Variants in LMBRD1 observed in about 807,000 individuals in gnomAD.
LMBRD1 encodes lysosomal cobalamin transport escort protein LMBD1.
A neutral mutation model predicts 74.8 loss-of-function variants in LMBRD1; 64 were observed. That is an observed-to-expected ratio of 0.86 (90% CI 0.70 to 1.05). The LOEUF is 1.05. Among genes scored for constraint, LMBRD1 ranks in the 50% least tolerant of loss-of-function variants. The pLI is 0.00. For synonymous variants in LMBRD1, 204 were observed against 216.3 expected, an observed-to-expected ratio of 0.94 and a Z score of 0.50; for missense variants, 652 against 645.9, an observed-to-expected ratio of 1.01 and a Z score of -0.10.
rs549080961 is a variant in LMBRD1 at position 69,681,606 on chromosome 6, A to G, written c.1418-5065T>C. ...ACTCTATATTTGCATTTTATAAAAC[A>G]AAGCCTTATTTTACGTGTATATATA... is the stretch of plus-strand genomic sequence containing the variant. On this transcript the variant is annotated intron_variant, in intron 14 of 15. Coordinates refer to ENST00000649934, the MANE Select transcript of LMBRD1 (RefSeq NM_018368.4). Among the ~76,000 whole-genome samples the G allele has an allele frequency of 2.6e-3, 300 of 116,282 alleles. 1 individual carries two copies. Among genetic ancestry groups the G allele is most frequent in the African/African-American group, 0.01 (286 of 28,362 alleles). The allele number at this position is 116,282 out of a possible 152,430, so 76.3% of individuals were successfully genotyped here.
chr6:69,732,043 TG>T (rs1766869967), intron 7 of LMBRD1, among the ~76,000 whole-genome samples: 1 of 152,104 alleles, frequency 6.6e-6, no homozygotes, highest in South Asian at 2.1e-4. Context: ...AAAGTAACGG[TG>T]CACCTTACAA....
intron 3 of LMBRD1, among the ~76,000 whole-genome samples, chr6:69,779,484 G>A (rs966599760): frequency 2.6e-5 from 4 of 152,144 alleles, no homozygotes; most frequent in Admixed American, 1.3e-4. Flanking sequence ...GAGGAGCCAA[G>A]CAACCATAAG....
At chr6:69,738,483 T>C (rs1767022488) in intron 6 of LMBRD1, among the ~76,000 whole-genome samples, 1 of 152,112 alleles carries the variant, frequency 6.6e-6, no homozygotes, top group Admixed American at 6.5e-5. Flanking sequence ...TCTTAATAGA[T>C]AATCAAAAAC....
intron 3 of LMBRD1, among the ~76,000 whole-genome samples, chr6:69,776,721 G>C (rs1028480633): frequency 5.3e-5 from 8 of 152,126 alleles, no homozygotes; most frequent in African/African-American, 1.7e-4. Flanking sequence ...CACTGACTTA[G>C]GCCACTGGTT....
At chr6:69,775,003 G>T (rs145582057) in intron 3 of LMBRD1, among the ~76,000 whole-genome samples, 1 of 67,328 alleles carries the variant, frequency 1.5e-5, no homozygotes, top group Non-Finnish European at 3.0e-5. Flanking sequence ...GGGAGGGAGG[G>T]AGGGAGGGAG....
intron 3 of LMBRD1, among the ~76,000 whole-genome samples, chr6:69,769,124 T>C (rs1765527080): frequency 6.6e-6 from 1 of 152,164 alleles, no homozygotes; most frequent in Non-Finnish European, 1.5e-5. Flanking sequence ...CTTTTCATTC[T>C]GAGATTCCCA....
At chr6:69,705,570 G>C in intron 9 of LMBRD1, 5 of 1,262,852 alleles carry the variant, frequency 4.0e-6, no homozygotes, top group Non-Finnish European at 4.5e-6. Flanking sequence ...TGCATTTTTG[G>C]CTGGAGTATC....
intron 5 of LMBRD1, 67 bp downstream of exon 5, chr6:69,749,274 T>C: frequency 7.9e-7 from 1 of 1,271,556 alleles, no homozygotes; most frequent in Non-Finnish European, 1.1e-6. Flanking sequence ...TGAATGATCC[T>C]TTTATTTTTT....
chr6:69,701,586 C>A, intron 10 of LMBRD1, 41 bp from the exon 11 acceptor site: 1 of 1,241,106 alleles, frequency 8.1e-7, no homozygotes, highest in South Asian at 1.3e-5. Context: ...GTTATACTAT[C>A]AAATTTTCAG....
chr6:69,780,761 C>G (rs1408771916), intron 2 of LMBRD1, among the ~76,000 whole-genome samples: 1 of 152,122 alleles, frequency 6.6e-6, no homozygotes, highest in Non-Finnish European at 1.5e-5. Context: ...TGGGAAAACA[C>G]AGACAAAAGG....
Position 69,775,032 on chromosome 6 carries a change from AG to A in LMBRD1, c.307+5461del, listed in dbSNP as rs1197834293. On this transcript the variant is annotated intron_variant, in intron 3 of 15. Coordinates refer to ENST00000649934, the MANE Select transcript of LMBRD1 (RefSeq NM_018368.4). ...GAGGGAGGGAGGGAGGGAGGGAGGG[AG>A]GGAAGGAAGGAAAAGATGAAGAACT... Among the ~76,000 whole-genome samples, 271 of 133,226 alleles carry A rather than the reference AG, an allele frequency of 2.0e-3. 43 individuals carry two copies. Among genetic ancestry groups the A allele is most frequent in the East Asian group, 4.7e-3 (22 of 4,702 alleles). The allele number at this position is 133,226 out of a possible 152,430, so 87.4% of individuals were successfully genotyped here.
chr6:69,786,121 C>T (rs1015773110), intron 2 of LMBRD1, among the ~76,000 whole-genome samples: 4 of 152,186 alleles, frequency 2.6e-5, no homozygotes, highest in Admixed American at 6.5e-5. Flanking sequence ...GCCTTGCAGA[C>T]TAAGCTCCAT....
intron 3 of LMBRD1, among the ~76,000 whole-genome samples, chr6:69,753,357 T>G (rs1159100422): frequency 6.6e-6 from 1 of 152,194 alleles, no homozygotes; most frequent in Admixed American, 6.5e-5. Flanking sequence ...TGATAATCAT[T>G]GTATTGCTTT....
chr6:69,696,795 T>TA (rs1167400639), intron 14 of LMBRD1, among the ~76,000 whole-genome samples: 1 of 152,126 alleles, frequency 6.6e-6, no homozygotes, highest in Non-Finnish European at 1.5e-5. Context: ...GACCCTGCTA[T>TA]AAAAAAACTC....
At chr6:69,756,454 A>G (rs1329233125) in intron 3 of LMBRD1, among the ~76,000 whole-genome samples, 1 of 152,210 alleles carries the variant, frequency 6.6e-6, no homozygotes, top group Non-Finnish European at 1.5e-5. Context: ...GGAAAATGCA[A>G]AGTAAATCTA....
At chr6:69,789,651 C>A (rs1011700486) in intron 2 of LMBRD1, among the ~76,000 whole-genome samples, 1 of 151,978 alleles carries the variant, frequency 6.6e-6, no homozygotes, top group Admixed American at 6.6e-5. Context: ...AAAACTATTT[C>A]ATTCAAATAT....
chr6:69,691,147 C>CTTTTTTTTTT lies in LMBRD1; in HGVS notation c.1417+6415_1417+6416insAAAAAAAAAA, dbSNP rs67075550. On this transcript the variant is annotated intron_variant, in intron 14 of 15. Coordinates refer to ENST00000649934, the MANE Select transcript of LMBRD1 (RefSeq NM_018368.4). ...TAAAAAGCAGCAACGGCCTCTCTCTCTCTTTTTTTTTTTAACAATTTAAAG... is the reference window on the plus strand; with the variant it reads ...TAAAAAGCAGCAACGGCCTCTCTCTCTTTTTTTTTTTCTTTTTTTTTTTAACAATTTAAAG... Among the ~76,000 whole-genome samples the CTTTTTTTTTT allele has an allele frequency of 2.9e-5, 4 of 138,526 alleles. 1 individual carries two copies. The highest frequency in any genetic ancestry group is 3.0e-5 in the Non-Finnish European group (2 of 65,612). The allele number at this position is 138,526 out of a possible 152,430, so 90.9% of individuals were successfully genotyped here.
intron 14 of LMBRD1, among the ~76,000 whole-genome samples, chr6:69,678,668 G>T (rs1765596825): frequency 6.6e-6 from 1 of 151,972 alleles, no homozygotes; most frequent in African/African-American, 2.4e-5. Flanking sequence ...GCAATTAGAA[G>T]ACCAATCTCA....
At chr6:69,779,185 C>CA (rs11397050) in intron 3 of LMBRD1, among the ~76,000 whole-genome samples, 44,619 of 99,696 alleles carry the variant, frequency 0.45, 8,659 homozygotes, top group East Asian at 0.59. Context: ...GACTCAGTCT[C>CA]AAAAAAAAAA....
Sources: gnomAD v4.1 joint callset for allele counts (sites outside exome capture counted in the v4.1 genomes callset) on GRCh38, gnomAD v4.1.1 for gene constraint, MANE v1.5 for transcripts, NCBI Gene and HGNC (gene_info 2026-07-23, HGNC 2026-07-21) for gene names.